The following CHRM3 variants were observed in gnomAD, a reference collection of about 807,000 sequenced individuals.
CHRM3 encodes muscarinic acetylcholine receptor M3.
Under a neutral mutation model 41.8 loss-of-function variants are expected in CHRM3, and 11 were observed. That is an observed-to-expected ratio of 0.26 (90% CI 0.17 to 0.44). CHRM3 has a LOEUF of 0.44. Among genes scored for constraint, CHRM3 ranks in the 20% least tolerant of loss-of-function variants. The pLI is 1.00. For missense variants in CHRM3, 571 were observed against 745.4 expected (o/e 0.77, Z 2.72); for synonymous variants, 297 against 301.4 (o/e 0.99, Z 0.15).
intron 1 of CHRM3, among the ~76,000 whole-genome samples, chr1:239,428,305 G>A (rs1004707673): frequency 6.6e-6 from 1 of 152,176 alleles, no homozygotes; most frequent in African/African-American, 2.4e-5. Context: ...TACAGTGGTG[G>A]ATTATTTTAC....
At chr1:239,527,229 T>G (rs1670056092) in intron 2 of CHRM3, among the ~76,000 whole-genome samples, 1 of 152,182 alleles carries the variant, frequency 6.6e-6, no homozygotes, top group Admixed American at 6.5e-5. Context: ...CCCCAGTTTT[T>G]CAGATGAAGA....
intron 5 of CHRM3, among the ~76,000 whole-genome samples, chr1:239,825,431 A>G (rs1210531485): frequency 6.6e-6 from 1 of 152,168 alleles, no homozygotes; most frequent in East Asian, 1.9e-4. Flanking sequence ...CATCTTCTAT[A>G]AAGTTCTCAC....
intron 3 of CHRM3, among the ~76,000 whole-genome samples, chr1:239,618,289 T>TTTTTTTTTTTTTTTG (rs1667879820): frequency 7.0e-6 from 1 of 142,422 alleles, no homozygotes; most frequent in Non-Finnish European, 1.5e-5. Context: ...TTTTTTTTTT[T>TTTTTTTTTTTTTTTG]TTTTTTAATG....
At chr1:239,483,579 T>C (rs1231508920) in intron 1 of CHRM3, among the ~76,000 whole-genome samples, 3 of 152,222 alleles carry the variant, frequency 2.0e-5, no homozygotes, top group Non-Finnish European at 4.4e-5. Context: ...TGCTTTGTCA[T>C]ATGCTTGACA....
At chr1:239,758,433 A>G (rs535709288) in intron 5 of CHRM3, among the ~76,000 whole-genome samples, 9 of 152,296 alleles carry the variant, frequency 5.9e-5, no homozygotes, top group South Asian at 4.1e-4. Context: ...ACAAGGTGCT[A>G]TGTAATCATT....
intron 1 of CHRM3, among the ~76,000 whole-genome samples, chr1:239,408,902 G>A (rs893699900): frequency 1.3e-5 from 2 of 151,898 alleles, no homozygotes; most frequent in Non-Finnish European, 2.9e-5. Context: ...GTTTATAGGC[G>A]TGACCTACTA....
intron 5 of CHRM3, among the ~76,000 whole-genome samples, chr1:239,797,538 A>T (rs1447742840): frequency 6.6e-6 from 1 of 152,114 alleles, no homozygotes; most frequent in Non-Finnish European, 1.5e-5. Context: ...GTGTTTGATG[A>T]CTGTTTCTCA....
chr1:239,576,271 CCA>C (rs1491251797), intron 3 of CHRM3, among the ~76,000 whole-genome samples: 6 of 128,072 alleles, frequency 4.7e-5, no homozygotes, highest in East Asian at 3.2e-4. Flanking sequence ...TACTCCCTAC[CCA>C]CCCCCATCCC....
chr1:239,471,434 C>G (rs1666113413), intron 1 of CHRM3, among the ~76,000 whole-genome samples: 2 of 152,148 alleles, frequency 1.3e-5, no homozygotes. Flanking sequence ...TCCCCCTGGT[C>G]CATTGTTCCC....
Position 239,759,928 on chromosome 1 carries a change from T to A in CHRM3, c.-146-67324T>A, listed in dbSNP as rs574816050. On this transcript the variant is annotated intron_variant, in intron 5 of 6. Transcript: ENST00000676153. ...TTTTGTTATTTTTATTTATTTATTT[T>A]TTTTGAGATGGAGTCTCGCTCCATC... Among the ~76,000 whole-genome samples the A allele has an allele frequency of 4.7e-4, 72 of 152,256 alleles. 1 individual carries two copies. The South Asian group carries it at 0.011, about 22-fold the overall frequency.
intron 5 of CHRM3, among the ~76,000 whole-genome samples, chr1:239,716,303 G>C (rs1322028008): frequency 6.6e-6 from 1 of 152,110 alleles, no homozygotes; most frequent in African/African-American, 2.4e-5. Flanking sequence ...GGTTGGCGCT[G>C]TTTAGAGAAT....
At chr1:239,510,414 A>G in intron 2 of CHRM3, among the ~76,000 whole-genome samples, 1 of 152,156 alleles carries the variant, frequency 6.6e-6, no homozygotes, top group East Asian at 1.9e-4. Context: ...GGACATGAAA[A>G]TGCTGTAGCC....
intron 1 of CHRM3, among the ~76,000 whole-genome samples, chr1:239,479,852 T>A (rs922795985): frequency 2.0e-5 from 3 of 152,000 alleles, no homozygotes; most frequent in Non-Finnish European, 4.4e-5. Context: ...AGTCAGTGAG[T>A]GGGTGGTGAA....
At chr1:239,402,413 G>A (rs1317847009) in intron 1 of CHRM3, among the ~76,000 whole-genome samples, 1 of 152,144 alleles carries the variant, frequency 6.6e-6, no homozygotes, top group Non-Finnish European at 1.5e-5. Context: ...CCCCTTACAA[G>A]GCTCCAATAG....
chr1:239,568,134 G>A (rs1161719643), intron 3 of CHRM3, among the ~76,000 whole-genome samples: 1 of 152,118 alleles, frequency 6.6e-6, no homozygotes, highest in Non-Finnish European at 1.5e-5. Context: ...TCATATGGTG[G>A]CTATCCTCCA....
In CHRM3 at chr1:239,736,388, AAAT is replaced by A. The variant is rs77665012; in HGVS notation, c.-147+58117_-147+58119del. Among the ~76,000 whole-genome samples the A allele has an allele frequency of 5.9e-5, 9 of 151,694 alleles. No individual in the cohort carries two copies. In the South Asian group the frequency reaches 6.4e-4, roughly 11 times the overall value. ...GTAGTTAAAGCCACAATCAATAACC[AAAT>A]AATAATAATAATAATATAATAAAAA... On this transcript the variant is annotated intron_variant, in intron 5 of 6. Coordinates refer to ENST00000676153, the MANE Select transcript of CHRM3 (RefSeq NM_001375978.1).
chr1:239,867,678 T>C (rs1350793768), intron 6 of CHRM3, among the ~76,000 whole-genome samples: 1 of 96,576 alleles, frequency 1.0e-5, no homozygotes, highest in African/African-American at 2.7e-5. Context: ...AGAGTGAGAC[T>C]CTGTCTCAAA....
intron 2 of CHRM3, among the ~76,000 whole-genome samples, chr1:239,518,428 T>G (rs1669415957): frequency 6.6e-6 from 1 of 152,222 alleles, no homozygotes; most frequent in African/African-American, 2.4e-5. Flanking sequence ...GGAGGCTCAT[T>G]TATTGGTTTC....
intron 5 of CHRM3, among the ~76,000 whole-genome samples, chr1:239,761,905 C>G (rs1190358976): frequency 1.3e-5 from 2 of 152,160 alleles, no homozygotes; most frequent in Non-Finnish European, 2.9e-5. Context: ...CCTGGAATTC[C>G]CAATTCAGTC....
Sources: allele counts gnomAD v4.1 joint callset (sites outside exome capture counted in the v4.1 genomes callset), GRCh38; gene constraint gnomAD v4.1.1; transcripts MANE v1.5; gene names NCBI Gene and HGNC (gene_info 2026-07-23, HGNC 2026-07-21).